MVP: variants seen among roughly 807,000 people sequenced by gnomAD.
The protein encoded by MVP is lung resistance-related protein.
A neutral mutation model predicts 83.5 loss-of-function variants in MVP; 62 were observed. That is an observed-to-expected ratio of 0.74 (90% CI 0.61 to 0.92). The LOEUF is 0.92. MVP is among the 40% of genes least tolerant of loss of function. The pLI is 0.00. For synonymous variants in MVP, 505 were observed against 504.1 expected (o/e 1.00, Z -0.02); for missense variants, 1,000 against 1,203.4 (o/e 0.83, Z 2.50).
intron 1 of MVP, among the ~76,000 whole-genome samples, chr16:29,823,927 A>G (rs1473804591): frequency 6.6e-6 from 1 of 151,486 alleles, no homozygotes; most frequent in African/African-American, 2.4e-5. Flanking sequence ...ATCACCGGAG[A>G]TGGGTGGCTT....
intron 1 of MVP, among the ~76,000 whole-genome samples, chr16:29,828,433 G>T (rs2067418588): frequency 6.6e-6 from 1 of 152,128 alleles, no homozygotes; most frequent in African/African-American, 2.4e-5. Context: ...AGGCTGGAGT[G>T]CAATGGCACG....
At chr16:29,836,401 C>T (rs2067487316) in intron 6 of MVP, among the ~76,000 whole-genome samples, 1 of 151,638 alleles carries the variant, frequency 6.6e-6, no homozygotes, top group Non-Finnish European at 1.5e-5. Flanking sequence ...ATGGCGAAAC[C>T]CCATCTCTAC....
Position 29,842,061 on chromosome 16 carries a change from C to T in MVP, c.1583C>T (p.Thr528Ile), listed in dbSNP as rs747960282. ...LGPDFFTDVI[T>I]IETADHARLQ... ...CCTGACTTCTTCACAGACGTCATCA[C>T]CATCGAAACGGCGGATCATGCCAGG... Residue 528 changes from threonine (T) to isoleucine (I), a missense_variant, in exon 10 of 15, where the codon ACC becomes ATC. Coordinates refer to ENST00000357402, the MANE Select transcript of MVP (RefSeq NM_005115.5). 8 of 1,609,016 alleles carry T rather than the reference C, an allele frequency of 5.0e-6. No individual in the cohort carries two copies. The Admixed American group carries it at 1.3e-4, about 27-fold the overall frequency.
chr16:29,835,599 T>C, intron 5 of MVP, 105 bp from the exon 6 acceptor site: 1 of 908,530 alleles, frequency 1.1e-6, no homozygotes, highest in Non-Finnish European at 1.7e-6. Flanking sequence ...GTGCTATCTT[T>C]TTGCCTATGA....
rs781350656 is a variant in MVP, at chr16:29,844,547, A to C, written c.1689A>C (p.Ser563=). The change falls in exon 11 of 15, where the codon TCA becomes TCC. Residue 563 remains serine, a synonymous_variant. Transcript: ENST00000357402. ...CCCAAGAGACGGCCAAGCTCTTTTC[A>C]GTGCCAGACTTTGTAGGTGATGCCT... The part of the protein sequence containing the change: ...KDPQETAKLF[S]VPDFVGDACK... 11 of 1,585,150 alleles carry C rather than the reference A, an allele frequency of 6.9e-6. No homozygotes were observed. The East Asian group carries it at 2.0e-4, about 29-fold the overall frequency.
intron 11 of MVP, 130 bp downstream of exon 11, chr16:29,845,009 C>A (rs2067571995): frequency 8.0e-7 from 1 of 1,256,276 alleles, no homozygotes; most frequent in Non-Finnish European, 1.1e-6. Context: ...CCCTACCCAA[C>A]AGATCAGGTG....
intron 6 of MVP, among the ~76,000 whole-genome samples, 164 bp from the exon 7 acceptor site, chr16:29,836,558 C>G (rs1203079118): frequency 1.4e-5 from 2 of 146,648 alleles, no homozygotes; most frequent in African/African-American, 5.1e-5. Context: ...GCCTGGGCAA[C>G]AAGAGAGAGA....
chr16:29,824,853 T>C (rs2067394270), intron 1 of MVP, among the ~76,000 whole-genome samples: 1 of 151,904 alleles, frequency 6.6e-6, no homozygotes, highest in Non-Finnish European at 1.5e-5. Context: ...TAAGTTTTGC[T>C]GTAGCAGAAG....
In MVP at chr16:29,841,588, G is replaced by A. The variant is rs199637586; in HGVS notation, c.1192-8G>A. On this transcript the variant is annotated splice_polypyrimidine_tract_variant and splice_region_variant and intron_variant, in intron 8 of 14. Transcript: ENST00000357402. This position sits in a 1 kb window ranked among gnomAD's most constrained non-coding sequence, Gnocchi z 4.7. ...ACGGGCAGCTTCCCTCCCTGTCCTCGTCCCAAGGTGCGCGCTGTGATTGGA... is the reference window on the plus strand; with the variant it reads ...ACGGGCAGCTTCCCTCCCTGTCCTCATCCCAAGGTGCGCGCTGTGATTGGA... 10 of 1,578,086 alleles carry A rather than the reference G, an allele frequency of 6.3e-6. No individual in the cohort carries two copies. The highest frequency in any genetic ancestry group is 1.8e-5 in the Admixed American group (1 of 56,350).
At position 29,830,936 on chromosome 16, in the gene MVP, G is replaced by GCA; in HGVS notation, c.185_186insAC (p.Asn63ProfsTer62). ...CCCCCCACGTCACTACTGCACAGTG[G>GCA]CCAACCCTGTGTCTCGGGATGCCCA... On this transcript the variant is annotated frameshift_variant, in exon 3 of 15. Transcript: ENST00000357402. LOFTEE classifies it high-confidence loss of function. 1 of 1,613,994 alleles carries GCA rather than the reference G, an allele frequency of 6.2e-7. No homozygotes were observed. Among genetic ancestry groups the GCA allele is most frequent in the East Asian group, 2.2e-5 (1 of 44,862 alleles).
chr16:29,828,563 A>G (rs1323974755), intron 1 of MVP, among the ~76,000 whole-genome samples: 1 of 152,084 alleles, frequency 6.6e-6, no homozygotes, highest in Non-Finnish European at 1.5e-5. Flanking sequence ...TATTTTTAGT[A>G]GAGACGGGGT....
chr16:29,823,591 C>T (rs1596906373), intron 1 of MVP, among the ~76,000 whole-genome samples: 1 of 151,988 alleles, frequency 6.6e-6, no homozygotes, highest in African/African-American at 2.4e-5. Flanking sequence ...CGGTGGCTCA[C>T]GCCTGTAATC....
At chr16:29,843,665 T>C (rs527386910) in intron 10 of MVP, among the ~76,000 whole-genome samples, 99 of 150,048 alleles carry the variant, frequency 6.6e-4, no homozygotes, top group Non-Finnish European at 1.2e-3. Context: ...GGCAGGCAGA[T>C]CACTTGAGGT....
chr16:29,846,808 C>T (rs1275925881), intron 13 of MVP, among the ~76,000 whole-genome samples: 1 of 151,798 alleles, frequency 6.6e-6, no homozygotes, highest in Non-Finnish European at 1.5e-5. Context: ...CTGCGGTGAG[C>T]TGAGGTTGTG....
At chr16:29,825,508 G>A (rs556080929) in intron 1 of MVP, among the ~76,000 whole-genome samples, 7 of 152,316 alleles carry the variant, frequency 4.6e-5, no homozygotes, top group Non-Finnish European at 5.9e-5. Context: ...CATAGATGGC[G>A]AGGGTAGAAG....
At chr16:29,831,447 C>G (rs189887983) in intron 3 of MVP, among the ~76,000 whole-genome samples, 236 of 151,930 alleles carry the variant, frequency 1.6e-3, no homozygotes, top group African/African-American at 5.6e-3. Flanking sequence ...AGCCACTGTT[C>G]CCGGCCTGTA....
Position 29,836,946 on chromosome 16 carries a change from G to A in MVP, c.897G>A (p.Lys299=), listed in dbSNP as rs1180836981. The A allele has an allele frequency of 1.9e-6, 3 of 1,612,354 alleles. No individual in the cohort carries two copies. The highest frequency in any genetic ancestry group is 2.5e-6 in the Non-Finnish European group (3 of 1,179,040). Residue 299 remains lysine (K), a synonymous_variant, in exon 7 of 15, where the codon AAG becomes AAA. Transcript: ENST00000357402. ...ATGGCAAGAATCAGCTGGGGCAGAA[G>A]CGCGTGGTCAAGGTGAGGTCCCTAC... is the stretch of plus-strand genomic sequence containing the variant. The part of the protein sequence containing the change: ...GPDGKNQLGQ[K]RVVKGEKSFF...
intron 6 of MVP, among the ~76,000 whole-genome samples, chr16:29,836,004 A>T (rs1289770297): frequency 1.3e-5 from 2 of 152,080 alleles, no homozygotes; most frequent in African/African-American, 4.8e-5. Flanking sequence ...AATGACTCAC[A>T]TCTGTAATCT....
intron 10 of MVP, among the ~76,000 whole-genome samples, chr16:29,842,814 C>T (rs745555072): frequency 5.9e-5 from 9 of 152,196 alleles, no homozygotes; most frequent in Non-Finnish European, 8.8e-5. Flanking sequence ...GGGCTCACCT[C>T]CTGGGGTCAG....
Sources: gnomAD v4.1 joint callset for allele counts (sites outside exome capture counted in the v4.1 genomes callset) on GRCh38, gnomAD v4.1.1 for gene constraint, Gnocchi (gnomAD v3.1) non-coding constraint, MANE v1.5 for transcripts, NCBI Gene and HGNC (gene_info 2026-07-23, HGNC 2026-07-21) for gene names.